THSD7A: variants seen among roughly 807,000 people sequenced by gnomAD.
THSD7A encodes thrombospondin type-1 domain-containing protein 7A.
Under a neutral mutation model 231.3 loss-of-function variants are expected in THSD7A, and 96 were observed. That is an observed-to-expected ratio of 0.41 (90% CI 0.35 to 0.49). The LOEUF (loss-of-function observed/expected upper bound fraction) is 0.49, where lower values mean the gene tolerates loss of function less well. Ranked by LOEUF, THSD7A falls within the 20% of genes least tolerant of loss-of-function variation. The probability of loss-of-function intolerance (pLI) is 0.05; values close to 1 mark genes in which losing one functional copy is unlikely to be tolerated. For missense variants in THSD7A, 2,290 were observed against 2,070.2 expected (o/e 1.11, Z -2.06); for synonymous variants, 940 against 743.3 (o/e 1.26, Z -4.30).
At chr7:11,661,427 G>A (rs552857999) in intron 1 of THSD7A, among the ~76,000 whole-genome samples, 209 of 151,226 alleles carry the variant, frequency 1.4e-3, no homozygotes, top group African/African-American at 4.8e-3. Flanking sequence ...TGTGACTATT[G>A]TTTTCCAGAA....
At chr7:11,734,499 A>C (rs1449717900) in intron 1 of THSD7A, among the ~76,000 whole-genome samples, 1 of 151,948 alleles carries the variant, frequency 6.6e-6, no homozygotes, top group East Asian at 1.9e-4. Flanking sequence ...CCTCCAAAAT[A>C]TCTGCCTTAC....
intron 1 of THSD7A, among the ~76,000 whole-genome samples, chr7:11,734,351 T>C (rs910644204): frequency 1.1e-4 from 17 of 152,014 alleles, no homozygotes; most frequent in African/African-American, 4.1e-4. Flanking sequence ...AAAAATAAAG[T>C]GCAAATTACT....
chr7:11,636,745 A>T lies in THSD7A; in HGVS notation c.407T>A (p.Ile136Asn). ...LGPWNQCQPV[I>N]SKSLEKPLEC... The stretch of plus-strand genomic sequence containing the variant: ...AAGAGGTTTCTCTAGGCTTTTTGAA[A>T]TCACGGGCTGACACTGATTCCAAGG... The change falls in exon 2 of 28, where the codon ATT becomes AAT. Residue 136 changes from isoleucine (I) to asparagine (N), a missense_variant. Coordinates refer to ENST00000423059, the MANE Select transcript of THSD7A (RefSeq NM_015204.3). This position sits in a 1 kb window ranked among gnomAD's most constrained non-coding sequence, Gnocchi z 10.0. The T allele has an allele frequency of 2.5e-6, 4 of 1,613,972 alleles. No individual in the cohort carries two copies. Among genetic ancestry groups the T allele is most frequent in the Non-Finnish European group, 2.5e-6 (3 of 1,179,884 alleles).
intron 1 of THSD7A, among the ~76,000 whole-genome samples, chr7:11,681,066 C>G (rs1025949579): frequency 2.0e-5 from 3 of 152,024 alleles, no homozygotes; most frequent in African/African-American, 7.2e-5. Flanking sequence ...ATGGATGAAG[C>G]TGGAAACCAT....
intron 13 of THSD7A, among the ~76,000 whole-genome samples, chr7:11,442,683 C>T (rs1470511006): frequency 6.6e-6 from 1 of 151,860 alleles, no homozygotes; most frequent in Non-Finnish European, 1.5e-5. Context: ...GCAGGAATTC[C>T]CAAAGAAATC....
intron 6 of THSD7A, among the ~76,000 whole-genome samples, chr7:11,518,702 G>T (rs1197313000): frequency 6.6e-6 from 1 of 152,080 alleles, no homozygotes; most frequent in Non-Finnish European, 1.5e-5. Flanking sequence ...TGTGCTATGT[G>T]CTTTAACTTG....
At position 11,651,486 on chromosome 7, in the gene THSD7A, A is replaced by ACTATCTATCAACTATCTAT. The variant is rs373522018; in HGVS notation, c.191-14526_191-14525insATAGATAGTTGATAGATAG. On this transcript the variant is annotated intron_variant, in intron 1 of 27. Coordinates refer to ENST00000423059, the MANE Select transcript of THSD7A (RefSeq NM_015204.3). ...CCATCTATTATCTATCTATCTATCA[A>ACTATCTATCAACTATCTAT]CTATCTATCTATCTATCTATCTATC... is the stretch of plus-strand genomic sequence containing the variant. Among the ~76,000 whole-genome samples, 179 of 149,780 alleles carry ACTATCTATCAACTATCTAT rather than the reference A, an allele frequency of 1.2e-3. 1 individual carries two copies. The highest frequency in any genetic ancestry group is 4.2e-3 in the African/African-American group (169 of 40,644).
chr7:11,701,076 A>T (rs1780584830), intron 1 of THSD7A, among the ~76,000 whole-genome samples: 2 of 151,316 alleles, frequency 1.3e-5, no homozygotes, highest in Non-Finnish European at 1.5e-5. Context: ...ATGATTTAAA[A>T]TACTGAGATT....
At chr7:11,658,145 C>T (rs1782779901) in intron 1 of THSD7A, among the ~76,000 whole-genome samples, 1 of 151,804 alleles carries the variant, frequency 6.6e-6, no homozygotes, top group Non-Finnish European at 1.5e-5. Flanking sequence ...AAATTTGTGC[C>T]TGAAAACTAA....
chr7:11,514,018 G>A (rs188912160), intron 6 of THSD7A, among the ~76,000 whole-genome samples: 1 of 151,486 alleles, frequency 6.6e-6, no homozygotes, highest in East Asian at 1.9e-4. Context: ...AACATGCTAC[G>A]TGTGCACCAC....
intron 11 of THSD7A, among the ~76,000 whole-genome samples, chr7:11,450,990 G>A (rs149724034): frequency 5.3e-5 from 8 of 152,118 alleles, no homozygotes; most frequent in African/African-American, 1.7e-4. Flanking sequence ...ATAAAGCACA[G>A]CAATTTTTAT....
chr7:11,636,444 C>T lies in THSD7A; in HGVS notation c.708G>A (p.Thr236=), dbSNP rs186655877. ...QFGGSGCPNL[T]EFQVCQSSPC... is the part of the protein sequence containing the mutation. ...GACTGGATTGGCACACCTGGAACTC[C>T]GTCAGGTTTGGACAGCCAGAGCCTC... The change falls in exon 2 of 28, where the codon ACG becomes ACA. Residue 236 remains threonine, a synonymous_variant. Coordinates refer to ENST00000423059, the MANE Select transcript of THSD7A (RefSeq NM_015204.3). This position sits in a 1 kb window ranked among gnomAD's most constrained non-coding sequence, Gnocchi z 10.0. The T allele has an allele frequency of 7.5e-3, 12,076 of 1,613,626 alleles. 52 individuals are homozygous for T. The highest frequency in any genetic ancestry group is 7.8e-3 in the Non-Finnish European group (9,247 of 1,179,804).
chr7:11,531,046 A>G (rs1208842701), intron 6 of THSD7A, among the ~76,000 whole-genome samples: 2 of 152,134 alleles, frequency 1.3e-5, no homozygotes, highest in Non-Finnish European at 2.9e-5. Flanking sequence ...CAGCTGAATG[A>G]TGTGATCAAG....
intron 6 of THSD7A, among the ~76,000 whole-genome samples, chr7:11,525,494 T>C (rs1788433750): frequency 6.6e-6 from 1 of 152,130 alleles, no homozygotes. Flanking sequence ...ATGGAAGTAA[T>C]ACAACTATAC....
At chr7:11,820,874 C>A (rs1784854286) in intron 1 of THSD7A, 1 of 899,354 alleles carries the variant, frequency 1.1e-6, no homozygotes, top group Admixed American at 1.9e-5. Flanking sequence ...CTGACCTTTC[C>A]CTCGAGTGGC....
At chr7:11,620,525 G>T (rs1005619185) in intron 2 of THSD7A, among the ~76,000 whole-genome samples, 2 of 152,094 alleles carry the variant, frequency 1.3e-5, no homozygotes, top group African/African-American at 4.8e-5. Flanking sequence ...AGAACAATGG[G>T]TATGGTTTCA....
rs1783769653 is a variant in THSD7A at position 11,411,116 on chromosome 7, G to A, written c.3798+91C>T. The A allele has an allele frequency of 1.1e-6, 1 of 884,784 alleles. No individual in the cohort carries two copies. Among genetic ancestry groups the A allele is most frequent in the South Asian group, 1.6e-5 (1 of 61,462 alleles). 54.8% of individuals were successfully genotyped at this position (884,784 alleles called of 1,614,324 possible). ...GCAGAAAAACATCTGCTGGCAATGA[G>A]CTGCATGGAGCACGGGTCACTTGGC... On this transcript the variant is annotated intron_variant, in intron 19 of 27. Transcript: ENST00000423059. The surrounding 1 kb of genome is among the most constrained non-coding windows in gnomAD (Gnocchi z 4.1).
intron 1 of THSD7A, among the ~76,000 whole-genome samples, chr7:11,823,635 C>A (rs1784936330): frequency 6.6e-6 from 1 of 151,954 alleles, no homozygotes; most frequent in African/African-American, 2.4e-5. Flanking sequence ...TTTCTTTCAT[C>A]AGTGTTTTGT....
chr7:11,604,733 G>C (rs927776485), intron 2 of THSD7A, among the ~76,000 whole-genome samples: 4 of 152,096 alleles, frequency 2.6e-5, no homozygotes, highest in African/African-American at 9.7e-5. Context: ...AGAATGAGAA[G>C]CAAATTTCTG....
Sources: gnomAD v4.1 joint callset for allele counts (sites outside exome capture counted in the v4.1 genomes callset) on GRCh38, gnomAD v4.1.1 for gene constraint, Gnocchi (gnomAD v3.1) non-coding constraint, MANE v1.5 for transcripts, NCBI Gene and HGNC (gene_info 2026-07-23, HGNC 2026-07-21) for gene names.